The following RNF145 variants were observed in gnomAD, a reference collection of about 807,000 sequenced individuals.
RNF145 encodes ring finger protein 145.
Under a neutral mutation model 57.3 loss-of-function variants are expected in RNF145, and 12 were observed. The observed-to-expected ratio is 0.21, with a 90% confidence interval of 0.13 to 0.34. The LOEUF (loss-of-function observed/expected upper bound fraction) is 0.34, where lower values mean the gene tolerates loss of function less well. RNF145 is among the 10% of genes least tolerant of loss of function. The probability of loss-of-function intolerance (pLI) is 1.00; values close to 1 mark genes in which losing one functional copy is unlikely to be tolerated. For missense variants in RNF145, 429 were observed against 799.0 expected, an observed-to-expected ratio of 0.54 and a Z score of 5.58; for synonymous variants, 262 against 288.3, an observed-to-expected ratio of 0.91 and a Z score of 0.92.
intron 1 of RNF145, chr5:159,207,885 T>C (rs748080455): frequency 1.4e-5 from 23 of 1,613,652 alleles, no homozygotes; most frequent in Non-Finnish European, 1.8e-5. Flanking sequence ...ATAAAACTGC[T>C]ACCTCTGCCA....
chr5:159,176,643 C>T lies in RNF145; in HGVS notation c.610G>A (p.Glu204Lys), dbSNP rs1784729222. The T allele has an allele frequency of 6.2e-7, 1 of 1,602,100 alleles. No homozygotes were observed. Among genetic ancestry groups the T allele is most frequent in the Non-Finnish European group, 8.5e-7 (1 of 1,169,824 alleles). ...GTCAGCAGTCTTACCTGAACCAATTCTCTGTATGCAGATTTAGCAAGGTTA... is the reference window on the plus strand; with the variant it reads ...GTCAGCAGTCTTACCTGAACCAATTTTCTGTATGCAGATTTAGCAAGGTTA... ...PYNLAKSAYR[E>K]LVQVVEVYGL... The change falls in exon 5 of 11, where the codon GAA (glutamate) becomes AAA (lysine). Residue 204 changes from glutamate to lysine, a missense_variant. Physicochemically the swap from Glu to Lys is moderately conservative, Grantham distance 56. Coordinates refer to ENST00000424310, the MANE Select transcript of RNF145 (RefSeq NM_001199383.2).
At chr5:159,199,699 C>T (rs996845342) in intron 2 of RNF145, among the ~76,000 whole-genome samples, 2 of 152,168 alleles carry the variant, frequency 1.3e-5, no homozygotes, top group African/African-American at 2.4e-5. Context: ...AGCTCACCTG[C>T]TCTAAAATCC....
At chr5:159,168,211 A>G (rs567112981) in intron 8 of RNF145, among the ~76,000 whole-genome samples, 14 of 152,156 alleles carry the variant, frequency 9.2e-5, no homozygotes, top group Admixed American at 1.3e-4. Context: ...TACAGCTCTC[A>G]AAATATCACA....
chr5:159,200,418 T>A (rs1269227153), intron 2 of RNF145, among the ~76,000 whole-genome samples: 1 of 152,046 alleles, frequency 6.6e-6, no homozygotes, highest in South Asian at 2.1e-4. Context: ...ACAAAATATA[T>A]GTGAGAATTC....
intron 7 of RNF145, 32 bp downstream of exon 7, chr5:159,169,647 C>A: frequency 6.7e-7 from 1 of 1,494,344 alleles, no homozygotes. Context: ...ATAGTATTTA[C>A]ATTTCTAGAT....
intron 4 of RNF145, among the ~76,000 whole-genome samples, chr5:159,177,882 A>C (rs569373486): frequency 1.3e-5 from 2 of 152,164 alleles, no homozygotes; most frequent in South Asian, 4.1e-4. Flanking sequence ...AACATTATCA[A>C]TAAGTATATG....
chr5:159,209,446 C>A lies in RNF145; in HGVS notation c.-255G>T. ...GGCAGCGGCCCGGCCCGTACGGTCA[C>A]CATCGTCCGCGGCAGCAGGCGCTCG... On this transcript the variant is annotated 5_prime_UTR_variant, in exon 1 of 11. Transcript: ENST00000424310. 1.0e-6 allele frequency: 1 copy of A among 982,788 alleles called. No individual in the cohort carries two copies. Among genetic ancestry groups the A allele is most frequent in the Non-Finnish European group, 1.2e-6 (1 of 827,280 alleles). The allele number at this position is 982,788 out of a possible 1,614,324, so 60.9% of individuals were successfully genotyped here. A position where few individuals can be genotyped will look rare whatever the true frequency, so the allele number is the denominator to read the frequency against.
chr5:159,187,052 G>T (rs2113178506), intron 3 of RNF145, among the ~76,000 whole-genome samples: 1 of 151,956 alleles, frequency 6.6e-6, no homozygotes, highest in East Asian at 2.0e-4. Flanking sequence ...AGGCCAAGGT[G>T]GGCGGATCAC....
intron 9 of RNF145, among the ~76,000 whole-genome samples, chr5:159,162,425 CTTTTTTTTT>C (rs201178143): frequency 1.0e-4 from 14 of 134,574 alleles, no homozygotes; most frequent in African/African-American, 1.7e-4. Context: ...GTAATATTTT[CTTTTTTTTT>C]TTTTTTTTTT....
intron 3 of RNF145, among the ~76,000 whole-genome samples, chr5:159,194,055 T>C (rs1285036223): frequency 6.6e-6 from 1 of 152,186 alleles, no homozygotes; most frequent in Non-Finnish European, 1.5e-5. Flanking sequence ...AAAATTTAGA[T>C]CTAGCAGACT....
At chr5:159,208,328 T>TCGCGC (rs1481938068) in intron 1 of RNF145, among the ~76,000 whole-genome samples, 5 of 152,090 alleles carry the variant, frequency 3.3e-5, no homozygotes, top group African/African-American at 9.7e-5. Context: ...GCTGACTCTG[T>TCGCGC]CGCGCCACGC....
At chr5:159,162,634 C>T (rs889505125) in intron 9 of RNF145, among the ~76,000 whole-genome samples, 1 of 151,498 alleles carries the variant, frequency 6.6e-6, no homozygotes, top group Non-Finnish European at 1.5e-5. Flanking sequence ...CGGGGTTTCA[C>T]CTTGTTAGCC....
chr5:159,185,508 T>G (rs934180587), intron 3 of RNF145, among the ~76,000 whole-genome samples: 1 of 152,174 alleles, frequency 6.6e-6, no homozygotes, highest in African/African-American at 2.4e-5. Flanking sequence ...GGATGGTCAT[T>G]CACAACATAA....
At chr5:159,164,213 T>C (rs1784322188) in intron 8 of RNF145, among the ~76,000 whole-genome samples, 1 of 152,152 alleles carries the variant, frequency 6.6e-6, no homozygotes, top group South Asian at 2.1e-4. Context: ...GAAAGTGTTT[T>C]ACATTTTTTC....
chr5:159,209,602 C>T (rs938606991), upstream of RNF145: 2 of 1,057,556 alleles, frequency 1.9e-6, no homozygotes, highest in African/African-American at 1.7e-5. Context: ...GCGGCCCAGC[C>T]AGCGCGGCGC....
At chr5:159,204,896 T>C (rs916022194) in intron 1 of RNF145, among the ~76,000 whole-genome samples, 1 of 150,568 alleles carries the variant, frequency 6.6e-6, no homozygotes, top group African/African-American at 2.4e-5. Flanking sequence ...TCTGACAATA[T>C]CCTTTTAAGA....
chr5:159,174,165 A>C lies in RNF145; in HGVS notation c.622-7T>G. 3 of 1,586,058 alleles carry C rather than the reference A, an allele frequency of 1.9e-6. No homozygotes were observed. Among genetic ancestry groups the C allele is most frequent in the African/African-American group, 1.4e-5 (1 of 73,496 alleles). ...GGCCATATACCTCCACTACCTAAAT[A>C]AAAACGTAAGATAGGAAAACTTCTT... On this transcript the variant is annotated splice_polypyrimidine_tract_variant and splice_region_variant and intron_variant, in intron 5 of 10. Transcript: ENST00000424310.
Position 159,170,997 on chromosome 5 carries a change from C to G in RNF145, c.798-1178G>C, listed in dbSNP as rs149251262. On this transcript the variant is annotated intron_variant, in intron 6 of 10. Coordinates refer to ENST00000424310, the MANE Select transcript of RNF145 (RefSeq NM_001199383.2). The stretch of plus-strand genomic sequence containing the variant: ...AATGCTTGTCCCTTACTATGCAGCT[C>G]CATGCTTCTATATAGTTATCTTTCC... Among the ~76,000 whole-genome samples the G allele has an allele frequency of 2.9e-3, 436 of 152,184 alleles. 1 individual carries two copies. Among genetic ancestry groups the G allele is most frequent in the African/African-American group, 9.7e-3 (401 of 41,504 alleles).
At chr5:159,167,077 C>T (rs538671343) in intron 8 of RNF145, among the ~76,000 whole-genome samples, 1 of 152,338 alleles carries the variant, frequency 6.6e-6, no homozygotes, top group South Asian at 2.1e-4. Flanking sequence ...ATTTCTTTAA[C>T]TGTTATAGAA....
Sources: allele counts gnomAD v4.1 joint callset (sites outside exome capture counted in the v4.1 genomes callset), GRCh38; gene constraint gnomAD v4.1.1; transcripts MANE v1.5; gene names NCBI Gene and HGNC (gene_info 2026-07-23, HGNC 2026-07-21).